The following PRKN variants were observed in gnomAD, a reference collection of about 807,000 sequenced individuals.
PRKN encodes the protein E3 ubiquitin-protein ligase parkin.
Under a neutral mutation model 59.5 loss-of-function variants are expected in PRKN, and 56 were observed. The ratio of observed to expected loss-of-function variants is 0.94; its 90% CI spans 0.76 to 1.18. The LOEUF is 1.18. Among genes scored for constraint, PRKN ranks in the 50% most tolerant of loss-of-function variants. The pLI is 0.00. For missense variants in PRKN, 657 were observed against 596.4 expected, an observed-to-expected ratio of 1.10 and a Z score of -1.06; for synonymous variants, 250 against 222.1, an observed-to-expected ratio of 1.13 and a Z score of -1.12.
chr6:162,250,595 AGATT>A (rs1779394509), intron 3 of PRKN, among the ~76,000 whole-genome samples: 1 of 152,242 alleles, frequency 6.6e-6, no homozygotes, highest in African/African-American at 2.4e-5. Context: ...GGCATCAGCC[AGATT>A]CCCTTCACTT....
chr6:161,684,116 T>C (rs1207159284), intron 7 of PRKN, among the ~76,000 whole-genome samples: 2 of 152,214 alleles, frequency 1.3e-5, no homozygotes, highest in South Asian at 2.1e-4. Context: ...AGAAATAAGA[T>C]GTCAGATGAA....
At chr6:162,169,697 G>A (rs1783169517) in intron 4 of PRKN, among the ~76,000 whole-genome samples, 1 of 152,180 alleles carries the variant, frequency 6.6e-6, no homozygotes, top group African/African-American at 2.4e-5. Context: ...TAGCCTTAAG[G>A]CATGTGCCAC....
At chr6:161,808,438 T>C (rs938242177) in intron 6 of PRKN, among the ~76,000 whole-genome samples, 4 of 152,192 alleles carry the variant, frequency 2.6e-5, no homozygotes, top group African/African-American at 9.7e-5. Context: ...GACCATCATA[T>C]CTGCAAATTT....
intron 6 of PRKN, among the ~76,000 whole-genome samples, chr6:161,863,687 G>C (rs1793998990): frequency 6.6e-6 from 1 of 152,126 alleles, no homozygotes; most frequent in East Asian, 1.9e-4. Context: ...TCTACTCCAG[G>C]TGGAAAGTCA....
rs542314276 is a variant in PRKN at position 162,149,902 on chromosome 6, G to A, written c.534+51229C>T. On this transcript the variant is annotated intron_variant, in intron 4 of 11. Coordinates refer to ENST00000366898, the MANE Select transcript of PRKN (RefSeq NM_004562.3). The stretch of plus-strand genomic sequence containing the variant: ...ATTCTAGAGGTGCAGCAGGATCCAA[G>A]TTTCCTGATAAATAAACCCCCATGA... 9.3e-4 allele frequency among the ~76,000 whole-genome samples: 142 copies of A among 152,282 alleles called. 2 individuals carry two copies. The highest frequency in any genetic ancestry group is 3.4e-3 in the African/African-American group (140 of 41,574).
At chr6:161,449,427 G>A (rs1473365850) in intron 9 of PRKN, among the ~76,000 whole-genome samples, 3 of 152,094 alleles carry the variant, frequency 2.0e-5, no homozygotes, top group African/African-American at 4.8e-5. Context: ...ACTGCTCATC[G>A]TGGGCCCCAG....
At chr6:161,829,516 G>C (rs955652548) in intron 6 of PRKN, among the ~76,000 whole-genome samples, 1 of 152,272 alleles carries the variant, frequency 6.6e-6, no homozygotes, top group East Asian at 1.9e-4. Flanking sequence ...GGTTATGTCA[G>C]ACTGACATGA....
chr6:162,526,795 A>C (rs1778306107), intron 1 of PRKN, among the ~76,000 whole-genome samples: 1 of 152,174 alleles, frequency 6.6e-6, no homozygotes, highest in Non-Finnish European at 1.5e-5. Context: ...ACAGAGGATT[A>C]GATTTTCAGA....
At chr6:162,724,572 C>T (rs1170275917) in intron 1 of PRKN, among the ~76,000 whole-genome samples, 2 of 152,080 alleles carry the variant, frequency 1.3e-5, no homozygotes, top group Middle Eastern at 3.4e-3. Context: ...AAGGTTGAGG[C>T]GGGAAATTAA....
At chr6:162,459,274 A>T (rs545770951) in intron 1 of PRKN, among the ~76,000 whole-genome samples, 168 of 152,294 alleles carry the variant, frequency 1.1e-3, no homozygotes, top group African/African-American at 3.9e-3. Context: ...CTTATTAGGT[A>T]GATAATGGCA....
At chr6:161,583,844 C>T (rs1027641671) in intron 7 of PRKN, among the ~76,000 whole-genome samples, 9 of 152,162 alleles carry the variant, frequency 5.9e-5, no homozygotes, top group African/African-American at 2.2e-4. Flanking sequence ...TTGAGGCAAA[C>T]CCTAATGATC....
chr6:161,800,067 T>G (rs1387653162), intron 6 of PRKN, among the ~76,000 whole-genome samples: 1 of 152,206 alleles, frequency 6.6e-6, no homozygotes, highest in Non-Finnish European at 1.5e-5. Context: ...GACAAAATTT[T>G]AAGTAGGGAT....
intron 4 of PRKN, among the ~76,000 whole-genome samples, chr6:162,132,702 C>G (rs1170022908): frequency 6.6e-6 from 1 of 151,998 alleles, no homozygotes; most frequent in African/African-American, 2.4e-5. Flanking sequence ...GGGTAAAGGA[C>G]AGTTCAAAGT....
intron 1 of PRKN, among the ~76,000 whole-genome samples, chr6:162,704,815 C>T (rs996749756): frequency 6.6e-6 from 1 of 151,974 alleles, no homozygotes; most frequent in Admixed American, 6.6e-5. Context: ...CGAGGATGGT[C>T]ACATCTGAAT....
intron 5 of PRKN, among the ~76,000 whole-genome samples, chr6:162,040,358 C>G (rs1043590686): frequency 6.6e-6 from 1 of 151,560 alleles, no homozygotes. Flanking sequence ...TTCTTAGAAA[C>G]AAGTCACTAA....
rs1491495272 is a variant in PRKN at position 161,680,776 on chromosome 6, T to TATATATATATATATATATTTTG, written c.871+104995_871+104996insCAAAATATATATATATATATAT. ...ATATATATATATATATATATATATA[T>TATATATATATATATATATTTTG]TTTTTTTTTTTTTTCTTTTCCTAAA... On this transcript the variant is annotated intron_variant, in intron 7 of 11. Coordinates refer to ENST00000366898, the MANE Select transcript of PRKN (RefSeq NM_004562.3). Among the ~76,000 whole-genome samples, 3 of 18,944 alleles carry TATATATATATATATATATTTTG rather than the reference T, an allele frequency of 1.6e-4. 1 individual carries two copies. The Admixed American group carries it at 2.2e-3, about 14-fold the overall frequency. 12.4% of individuals were successfully genotyped at this position (18,944 alleles called of 152,430 possible).
At chr6:162,715,482 T>G (rs1244061605) in intron 1 of PRKN, among the ~76,000 whole-genome samples, 1 of 152,210 alleles carries the variant, frequency 6.6e-6, no homozygotes, top group Non-Finnish European at 1.5e-5. Context: ...CTGATTATAT[T>G]AAAGTACAGC....
intron 9 of PRKN, among the ~76,000 whole-genome samples, chr6:161,511,714 T>A (rs771505914): frequency 1.3e-5 from 2 of 151,846 alleles, no homozygotes; most frequent in African/African-American, 2.4e-5. Context: ...TAAAGGAGTA[T>A]CACTAAATTG....
At chr6:162,276,582 T>C (rs954071037) in intron 2 of PRKN, among the ~76,000 whole-genome samples, 47 of 152,194 alleles carry the variant, frequency 3.1e-4, no homozygotes, top group African/African-American at 1.1e-3. Flanking sequence ...AGTCAAACTT[T>C]AAAAACATAA....
Sources: allele counts gnomAD v4.1 joint callset (sites outside exome capture counted in the v4.1 genomes callset), GRCh38; gene constraint gnomAD v4.1.1; transcripts MANE v1.5; gene names NCBI Gene and HGNC (gene_info 2026-07-23, HGNC 2026-07-21).